Variants in ARL16 observed in about 807,000 individuals in gnomAD.
ARL16 encodes the protein ADP-ribosylation factor-like protein 16.
In ARL16, 21 loss-of-function variants were observed where a neutral mutation model predicts 14.1. That is an observed-to-expected ratio of 1.48 (90% CI 1.05 to 2.14). The LOEUF is 2.14. Ranked by LOEUF, ARL16 falls within the 30% of genes most tolerant of loss-of-function variation. ARL16 has a pLI of 0.00. For synonymous variants in ARL16, 122 were observed against 91.8 expected, an observed-to-expected ratio of 1.33 and a Z score of -1.88; for missense variants, 248 against 222.0, an observed-to-expected ratio of 1.12 and a Z score of -0.74.
At chr17:81,683,274 G>C (rs1247802834) in intron 2 of ARL16, 148 bp from the exon 3 acceptor site, 2 of 848,316 alleles carry the variant, frequency 2.4e-6, no homozygotes, top group African/African-American at 3.4e-5. Context: ...AGGGACCGAC[G>C]CCCATCAGTA....
In ARL16 at chr17:81,681,882, G is replaced by A. The variant is rs1184775873; in HGVS notation, c.351-3C>T. ...TGGACATGTAACAGGGTAGGTCGCT[G>A]GAGAGAAAGAGGTGCCCCATCAGAG... On this transcript the variant is annotated splice_polypyrimidine_tract_variant and splice_region_variant and intron_variant, in intron 4 of 4. Transcript: ENST00000622299. The A allele has an allele frequency of 6.2e-7, 1 of 1,611,096 alleles. No individual in the cohort carries two copies.
Position 81,683,699 on chromosome 17 carries a change from G to A in ARL16, c.55C>T (p.Leu19=), listed in dbSNP as rs1466511594. The change falls in exon 1 of 5, where the codon CTG becomes TTG. Residue 19 remains leucine, a synonymous_variant. Coordinates refer to ENST00000622299, the MANE Select transcript of ARL16 (RefSeq NM_001040025.3). ...TCCCCGCGCGGAAGGATATCCTGCAGCCGTTTCACCAGCAGCGTCTTCCCG... is the reference window on the plus strand; with the variant it reads ...TCCCCGCGCGGAAGGATATCCTGCAACCGTTTCACCAGCAGCGTCTTCCCG... ...GVGKTLLVKR[L]QEVSSRDGKG... The A allele has an allele frequency of 1.2e-6, 2 of 1,604,502 alleles. No homozygotes were observed. The highest frequency in any genetic ancestry group is 1.1e-5 in the South Asian group (1 of 90,178).
At position 81,681,841 on chromosome 17, in the gene ARL16, G is replaced by C; in HGVS notation, c.389C>G (p.Ser130Ter). The C allele has an allele frequency of 6.2e-7, 1 of 1,613,120 alleles. No homozygotes were observed. Among genetic ancestry groups the C allele is most frequent in the Non-Finnish European group, 8.5e-7 (1 of 1,179,792 alleles). The change falls in exon 5 of 5, where the codon TCA becomes TGA. Residue 130 changes from serine (S) to a stop codon, truncating the protein, a stop_gained. Transcript: ENST00000622299. LOFTEE classifies it high-confidence loss of function. ...AATGATGTCTGGAAGCCTGATTAAT[G>C]ACTTCATCTCCTCCGTGGACATGTA... Reference protein sequence around the residue: ...PCYMSTEEMKSLIRLPDIIAC... With the variant: ...PCYMSTEEMK
At chr17:81,681,932 G>A (rs1222839219) in intron 4 of ARL16, 53 bp from the exon 5 acceptor site, 3 of 1,573,650 alleles carry the variant, frequency 1.9e-6, no homozygotes, top group South Asian at 1.2e-5. Flanking sequence ...CACCTGCCCC[G>A]GACCCCCAGC....
chr17:81,681,951 C>G, intron 4 of ARL16, 72 bp from the exon 5 acceptor site: 1 of 1,560,300 alleles, frequency 6.4e-7, no homozygotes, highest in Non-Finnish European at 8.7e-7. Flanking sequence ...GCTGCACCAC[C>G]TCCCTACCGA....
chr17:81,683,271 G>C (rs766249065), intron 2 of ARL16, 145 bp from the exon 3 acceptor site: 10 of 866,064 alleles, frequency 1.2e-5, no homozygotes, highest in Non-Finnish European at 1.8e-5. Context: ...AGCAGGGACC[G>C]ACGCCCATCA....
intron 1 of ARL16, 23 bp from the exon 2 acceptor site, chr17:81,683,617 A>G (rs754255787): frequency 1.1e-5 from 17 of 1,600,126 alleles, no homozygotes; most frequent in Non-Finnish European, 1.4e-5. Context: ...CAAGGACCCG[A>G]GCAGCTAAAG....
chr17:81,683,688 G>T lies in ARL16; in HGVS notation c.61+5C>A, dbSNP rs370007887. Reference sequence around the variant, plus strand: ...CCCCGGTCCCGTCCCCGCGCGGAAGGATATCCTGCAGCCGTTTCACCAGCA... The same window carrying T: ...CCCCGGTCCCGTCCCCGCGCGGAAGTATATCCTGCAGCCGTTTCACCAGCA... On this transcript the variant is annotated splice_donor_5th_base_variant and intron_variant, in intron 1 of 4. Transcript: ENST00000622299. 6.2e-7 allele frequency: 1 copy of T among 1,603,320 alleles called. No individual in the cohort carries two copies. The highest frequency in any genetic ancestry group is 8.5e-7 in the Non-Finnish European group (1 of 1,176,064).
intron 2 of ARL16, 161 bp from the exon 3 acceptor site, chr17:81,683,287 T>G: frequency 2.4e-6 from 2 of 820,770 alleles, no homozygotes; most frequent in Non-Finnish European, 3.7e-6. Flanking sequence ...CATCAGTAGC[T>G]GGACTCGCTG....
In ARL16 at chr17:81,681,466, G is replaced by C. The variant is rs2036842910; in HGVS notation, c.*242C>G. 4.4e-6 allele frequency: 2 copies of C among 451,808 alleles called. No individual in the cohort carries two copies. The highest frequency in any genetic ancestry group is 7.8e-6 in the Non-Finnish European group (2 of 256,140). 28.0% of individuals were successfully genotyped at this position (451,808 alleles called of 1,614,324 possible). On this transcript the variant is annotated 3_prime_UTR_variant, in exon 5 of 5. Coordinates refer to ENST00000622299, the MANE Select transcript of ARL16 (RefSeq NM_001040025.3). Reference sequence around the variant, plus strand: ...TACACCCGCCTCGGCCTCTCAAAGTGCTGGGATTACAGGTGTGAGCCACCA... The same window carrying C: ...TACACCCGCCTCGGCCTCTCAAAGTCCTGGGATTACAGGTGTGAGCCACCA...
In ARL16 at chr17:81,682,138, G is replaced by A. The variant is rs1490558574; in HGVS notation, c.246C>T (p.Asp82=). 7 of 1,603,096 alleles carry A rather than the reference G, an allele frequency of 4.4e-6. No individual in the cohort carries two copies. The Admixed American group carries it at 5.2e-5, about 12-fold the overall frequency. ...CAGAGAGCTGGGTGGGGTCAGAGGC[G>A]TCCATCACAAACTGGGGAAAAAGAA... is the stretch of plus-strand genomic sequence containing the variant. ...GNCRSLLFVM[D]ASDPTQLSAS... is the part of the protein sequence containing the mutation. Residue 82 remains aspartate, a synonymous_variant, in exon 4 of 5, where the codon GAC becomes GAT. Transcript: ENST00000622299.
chr17:81,683,700 C>A lies in ARL16; in HGVS notation c.54G>T (p.Arg18=), dbSNP rs375089359. The A allele has an allele frequency of 6.2e-7, 1 of 1,605,176 alleles. No homozygotes were observed. The highest frequency in any genetic ancestry group is 1.1e-5 in the South Asian group (1 of 90,222). Residue 18 remains arginine (R), a synonymous_variant, in exon 1 of 5, where the codon CGG becomes CGT. Coordinates refer to ENST00000622299, the MANE Select transcript of ARL16 (RefSeq NM_001040025.3). ...TGVGKTLLVK[R]LQEVSSRDGK... is the part of the protein sequence containing the mutation. ...CCCCGCGCGGAAGGATATCCTGCAG[C>A]CGTTTCACCAGCAGCGTCTTCCCGA... is the stretch of plus-strand genomic sequence containing the variant.
chr17:81,683,317 G>GA, intron 2 of ARL16, 191 bp from the exon 3 acceptor site: 1 of 822,306 alleles, frequency 1.2e-6, no homozygotes, highest in South Asian at 1.8e-5. Context: ...CCAGCCACAG[G>GA]AAGCCGTTGC....
chr17:81,683,659 C>T (rs753220870), intron 1 of ARL16, 34 bp downstream of exon 1: 1 of 1,593,240 alleles, frequency 6.3e-7, no homozygotes, highest in Non-Finnish European at 8.5e-7. Flanking sequence ...GGGTGCCCCC[C>T]GCGCCCCGGT....
intron 3 of ARL16, 170 bp from the exon 4 acceptor site, chr17:81,682,319 T>G: frequency 2.0e-6 from 1 of 510,396 alleles, no homozygotes; most frequent in East Asian, 3.7e-5. Context: ...TCACTGAAAC[T>G]CCGCCTCCAG....
At chr17:81,682,856 C>A in intron 3 of ARL16, 157 bp downstream of exon 3, 1 of 673,460 alleles carries the variant, frequency 1.5e-6, no homozygotes, top group South Asian at 1.9e-5. Context: ...GACAGGGTGC[C>A]CAGCAGGAAG....
intron 3 of ARL16, chr17:81,682,695 C>T (rs1346866340): frequency 2.8e-6 from 1 of 356,530 alleles, no homozygotes; most frequent in Non-Finnish European, 5.1e-6. Flanking sequence ...ATGAGACCAA[C>T]CAGAGGTACG....
chr17:81,682,378 G>A, intron 3 of ARL16: 1 of 365,368 alleles, frequency 2.7e-6, no homozygotes, highest in Admixed American at 4.5e-5. Flanking sequence ...AAGTAACTGG[G>A]ACTACAGACA....
chr17:81,683,653 G>GC (rs1230881056), intron 1 of ARL16, 40 bp downstream of exon 1: 3 of 1,586,380 alleles, frequency 1.9e-6, no homozygotes, highest in East Asian at 2.3e-5. Flanking sequence ...CACTCCGGGT[G>GC]CCCCCCGCGC....
Sources: gnomAD v4.1 joint callset for allele counts on GRCh38, gnomAD v4.1.1 for gene constraint, MANE v1.5 for transcripts, NCBI Gene and HGNC (gene_info 2026-07-23, HGNC 2026-07-21) for gene names.